Variants in PRKCQ observed in about 807,000 individuals in gnomAD.
PRKCQ encodes the protein protein kinase C theta, also known as protein kinase C theta type.
A neutral mutation model predicts 91.2 loss-of-function variants in PRKCQ; 41 were observed. The observed-to-expected ratio is 0.45, with a 90% CI of 0.35 to 0.58. The LOEUF is 0.58. PRKCQ is among the 20% of genes least tolerant of loss of function. The probability of loss-of-function intolerance (pLI) is 0.00; values close to 1 mark genes in which losing one functional copy is unlikely to be tolerated. For synonymous variants in PRKCQ, 307 were observed against 316.9 expected (o/e 0.97, Z 0.33); for missense variants, 673 against 896.5 (o/e 0.75, Z 3.18).
chr10:6,508,897 C>T (rs1588355293), intron 3 of PRKCQ, among the ~76,000 whole-genome samples: 1 of 152,148 alleles, frequency 6.6e-6, no homozygotes, highest in East Asian at 1.9e-4. Context: ...CTTGGGAAAA[C>T]AAAAGGTGTC....
intron 1 of PRKCQ, among the ~76,000 whole-genome samples, chr10:6,542,259 T>C (rs1253142236): frequency 6.6e-6 from 1 of 152,248 alleles, no homozygotes; most frequent in Non-Finnish European, 1.5e-5. Context: ...CCCAACAACC[T>C]GGAGTGGTGC....
At chr10:6,570,550 CTTCT>C (rs1219132923) in intron 1 of PRKCQ, among the ~76,000 whole-genome samples, 2 of 141,548 alleles carry the variant, frequency 1.4e-5, no homozygotes, top group African/African-American at 2.6e-5. Flanking sequence ...AACTAAGGGG[CTTCT>C]TTTTTTTTTT....
chr10:6,410,099 G>T, the PRKCQ span, among the ~76,000 whole-genome samples: 1 of 152,150 alleles, frequency 6.6e-6, no homozygotes, highest in South Asian at 2.1e-4. Context: ...ATGTCTCCAC[G>T]CTCTTCCTGT....
intron 1 of PRKCQ, among the ~76,000 whole-genome samples, chr10:6,556,658 T>C (rs1387368195): frequency 3.1e-5 from 1 of 32,778 alleles, no homozygotes; most frequent in South Asian, 1.8e-3. Flanking sequence ...GTGGTTAAAA[T>C]TGTAAATTTT....
At chr10:6,545,451 A>G (rs918594613) in intron 1 of PRKCQ, among the ~76,000 whole-genome samples, 2 of 152,250 alleles carry the variant, frequency 1.3e-5, no homozygotes, top group Non-Finnish European at 2.9e-5. Context: ...CATGGAGGAA[A>G]CTTGGGGACA....
At chr10:6,464,221 T>C in intron 13 of PRKCQ, 92 bp downstream of exon 13, 1 of 1,101,424 alleles carries the variant, frequency 9.1e-7, no homozygotes, top group Non-Finnish European at 1.4e-6. Context: ...GGCCCTGGGA[T>C]TCAGGCATGC....
At chr10:6,398,026 T>G in the PRKCQ span, among the ~76,000 whole-genome samples, 1 of 152,260 alleles carries the variant, frequency 6.6e-6, no homozygotes, top group Non-Finnish European at 1.5e-5. Flanking sequence ...TACATTTAAG[T>G]CTATCATCCA....
intron 16 of PRKCQ, among the ~76,000 whole-genome samples, chr10:6,438,856 T>A (rs1564294451): frequency 6.6e-6 from 1 of 152,182 alleles, no homozygotes; most frequent in Non-Finnish European, 1.5e-5. Flanking sequence ...CCTTAGCCTT[T>A]CAAAGGGCGA....
At chr10:6,534,767 CATAT>C (rs1042829245) in intron 1 of PRKCQ, among the ~76,000 whole-genome samples, 1 of 94,802 alleles carries the variant, frequency 1.1e-5, no homozygotes, top group Non-Finnish European at 2.1e-5. Flanking sequence ...TAAATAGAAA[CATAT>C]ATCTATATAT....
intron 1 of PRKCQ, among the ~76,000 whole-genome samples, chr10:6,533,610 C>CT (rs1026528025): frequency 6.6e-6 from 1 of 152,146 alleles, no homozygotes; most frequent in African/African-American, 2.4e-5. Flanking sequence ...TTCATCCTTC[C>CT]TTCTCCCAGC....
At chr10:6,508,060 T>C (rs948558557) in intron 3 of PRKCQ, among the ~76,000 whole-genome samples, 2 of 152,186 alleles carry the variant, frequency 1.3e-5, no homozygotes, top group Non-Finnish European at 2.9e-5. Context: ...CTAAAGAAAA[T>C]TCTAATTACA....
At chr10:6,516,573 T>C (rs1230138268) in intron 1 of PRKCQ, among the ~76,000 whole-genome samples, 4 of 152,186 alleles carry the variant, frequency 2.6e-5, no homozygotes, top group African/African-American at 7.2e-5. Flanking sequence ...CCTGGGCCAA[T>C]TGGGTCTTTT....
At chr10:6,433,241 C>A (rs10906556) in intron 16 of PRKCQ, among the ~76,000 whole-genome samples, 1 of 152,170 alleles carries the variant, frequency 6.6e-6, no homozygotes, top group African/African-American at 2.4e-5. Flanking sequence ...TGATGACAAG[C>A]GGCCTCCTTC....
At chr10:6,539,420 G>A (rs904831298) in intron 1 of PRKCQ, among the ~76,000 whole-genome samples, 3 of 151,958 alleles carry the variant, frequency 2.0e-5, no homozygotes, top group African/African-American at 4.8e-5. Context: ...GAGTTTCACA[G>A]GAGCAGAAAC....
At chr10:6,561,073 T>C (rs1393408786) in intron 1 of PRKCQ, among the ~76,000 whole-genome samples, 1 of 151,138 alleles carries the variant, frequency 6.6e-6, no homozygotes, top group African/African-American at 2.4e-5. Flanking sequence ...TTCAAATTGC[T>C]GACTAAAAAA....
At chr10:6,477,377 A>G (rs1043013329) in intron 12 of PRKCQ, among the ~76,000 whole-genome samples, 1 of 152,188 alleles carries the variant, frequency 6.6e-6, no homozygotes, top group African/African-American at 2.4e-5. Context: ...ATCTTAGGTA[A>G]GTGCATTTAT....
At chr10:6,394,709 T>C in the PRKCQ span, among the ~76,000 whole-genome samples, 6 of 142,602 alleles carry the variant, frequency 4.2e-5, no homozygotes, top group Non-Finnish European at 9.0e-5. Context: ...AAAGGGCAAG[T>C]TACAGTTGAA....
At chr10:6,429,282 G>A (rs1392128620) in intron 17 of PRKCQ, among the ~76,000 whole-genome samples, 1 of 152,210 alleles carries the variant, frequency 6.6e-6, no homozygotes. Context: ...GCAGTGGAAG[G>A]TGAGACATGG....
At chr10:6,394,428 G>C in the PRKCQ span, among the ~76,000 whole-genome samples, 1 of 152,184 alleles carries the variant, frequency 6.6e-6, no homozygotes, top group Non-Finnish European at 1.5e-5. Context: ...GAAGGGGGAA[G>C]AATTAGAACA....
Sources: allele counts gnomAD v4.1 joint callset (sites outside exome capture counted in the v4.1 genomes callset), GRCh38; gene constraint gnomAD v4.1.1; transcripts MANE v1.5; gene names NCBI Gene and HGNC (gene_info 2026-07-23, HGNC 2026-07-21).